CCDC3: variants seen among roughly 807,000 people sequenced by gnomAD.
CCDC3 encodes the protein coiled-coil domain-containing protein 3.
CCDC3 carries 24 observed loss-of-function variants against 21.4 expected under a neutral mutation model. The ratio of observed to expected loss-of-function variants is 1.12; its 90% CI spans 0.81 to 1.58. The LOEUF (loss-of-function observed/expected upper bound fraction) is 1.58. Among genes scored for constraint, CCDC3 ranks in the 40% most tolerant of loss-of-function variants. The pLI is 0.00. For missense variants in CCDC3, 425 were observed against 360.9 expected, an observed-to-expected ratio of 1.18 and a Z score of -1.44; for synonymous variants, 186 against 166.0, an observed-to-expected ratio of 1.12 and a Z score of -0.93.
At position 13,001,257 on chromosome 10, in the gene CCDC3, C is replaced by G. The variant is rs1216675019; in HGVS notation, c.314G>C (p.Gly105Ala). The G allele has an allele frequency of 1.9e-6, 3 of 1,593,944 alleles. No individual in the cohort carries two copies. The highest frequency in any genetic ancestry group is 2.6e-6 in the Non-Finnish European group (3 of 1,171,332). ...GGTGTGGGAGTGGCACGAGAAGTAG[C>G]CCAGGCCGGTGAGGTTGAGCCTGGA... ...AGSRLNLTGL[G>A]YFSCHSHTVV... The change falls in exon 1 of 3, where the codon GGC becomes GCC. Residue 105 changes from glycine to alanine, a missense_variant. Physicochemically the swap from Gly to Ala is moderately conservative, Grantham distance 60. Coordinates refer to ENST00000378825, the MANE Select transcript of CCDC3 (RefSeq NM_031455.4).
At chr10:12,963,208 C>G (rs933434104) in intron 2 of CCDC3, among the ~76,000 whole-genome samples, 2 of 152,190 alleles carry the variant, frequency 1.3e-5, no homozygotes, top group Non-Finnish European at 2.9e-5. Flanking sequence ...TTTACCTCCT[C>G]TCAAGATACA....
intron 3 of CCDC3, among the ~76,000 whole-genome samples, chr10:13,080,602 G>A (rs1471318597): frequency 6.6e-6 from 1 of 152,178 alleles, no homozygotes; most frequent in East Asian, 1.9e-4. Flanking sequence ...AATAAATATT[G>A]CTAAACCAAA....
chr10:12,913,999 G>T (rs897472566), intron 2 of CCDC3, among the ~76,000 whole-genome samples: 4 of 152,120 alleles, frequency 2.6e-5, no homozygotes, highest in African/African-American at 9.7e-5. Flanking sequence ...ATTTTCTTGA[G>T]AACTTTTGCA....
intron 5 of CCDC3, among the ~76,000 whole-genome samples, chr10:13,048,247 A>G (rs536610346): frequency 6.6e-6 from 1 of 152,176 alleles, no homozygotes; most frequent in East Asian, 1.9e-4. Context: ...ACTGGAGTGC[A>G]GTGGCGCGAT....
At chr10:13,055,641 A>G (rs1836672223) in intron 4 of CCDC3, among the ~76,000 whole-genome samples, 1 of 152,034 alleles carries the variant, frequency 6.6e-6, no homozygotes, top group Admixed American at 6.5e-5. Context: ...ACGTGTGTAC[A>G]GGGAGGTGAG....
chr10:12,924,604 A>G (rs1244898446), intron 2 of CCDC3: 1 of 152,182 alleles, frequency 6.6e-6, no homozygotes, highest in Non-Finnish European at 1.5e-5. Context: ...TCCACTGTCT[A>G]TGAATCTCTC....
chr10:12,956,903 C>T (rs567712912), intron 2 of CCDC3, among the ~76,000 whole-genome samples: 1 of 152,330 alleles, frequency 6.6e-6, no homozygotes, highest in East Asian at 1.9e-4. Flanking sequence ...ACAGAATTTA[C>T]CATTTGTTCT....
At chr10:13,060,463 G>A (rs1417869395) in intron 4 of CCDC3, among the ~76,000 whole-genome samples, 1 of 152,134 alleles carries the variant, frequency 6.6e-6, no homozygotes, top group Non-Finnish European at 1.5e-5. Flanking sequence ...GATATCAGGA[G>A]TAACAAGAGT....
intron 2 of CCDC3, among the ~76,000 whole-genome samples, chr10:12,915,462 G>A (rs1834337885): frequency 6.6e-6 from 1 of 152,162 alleles, no homozygotes; most frequent in Non-Finnish European, 1.5e-5. Flanking sequence ...TGAATTCTTT[G>A]TCAGGTAGCT....
intron 2 of CCDC3, among the ~76,000 whole-genome samples, chr10:12,958,056 A>G (rs1835120781): frequency 6.6e-6 from 1 of 152,068 alleles, no homozygotes; most frequent in Admixed American, 6.5e-5. Context: ...CCAACTCCTG[A>G]CCTCAGGTGA....
chr10:12,986,751 C>T (rs528939101), intron 2 of CCDC3, among the ~76,000 whole-genome samples: 36 of 147,546 alleles, frequency 2.4e-4, no homozygotes, highest in Middle Eastern at 3.8e-3. Context: ...CCAGCCTGGG[C>T]GGCAGAGCGA....
chr10:13,016,306 T>A (rs1226240495), intron 5 of CCDC3, among the ~76,000 whole-genome samples: 1 of 143,034 alleles, frequency 7.0e-6, no homozygotes, highest in African/African-American at 2.6e-5. Context: ...ATTTTCTTTT[T>A]CCCCTTTGCT....
At chr10:12,971,842 A>G (rs1707847295) in intron 2 of CCDC3, among the ~76,000 whole-genome samples, 1 of 152,128 alleles carries the variant, frequency 6.6e-6, no homozygotes, top group African/African-American at 2.4e-5. Context: ...GCCTGCCACC[A>G]TGCCCGGCTA....
upstream of CCDC3, among the ~76,000 whole-genome samples, chr10:13,005,444 T>C (rs1835915079): frequency 6.6e-6 from 1 of 152,200 alleles, no homozygotes; most frequent in Non-Finnish European, 1.5e-5. Flanking sequence ...TGCGCACACA[T>C]GGCCTTATGT....
At chr10:13,059,678 A>C (rs1836729858) in intron 4 of CCDC3, among the ~76,000 whole-genome samples, 1 of 152,158 alleles carries the variant, frequency 6.6e-6, no homozygotes, top group Non-Finnish European at 1.5e-5. Flanking sequence ...CTTCATGGCT[A>C]TGTGCTCTAA....
intron 5 of CCDC3, among the ~76,000 whole-genome samples, chr10:13,035,362 G>C (rs1745757625): frequency 6.6e-6 from 1 of 152,026 alleles, no homozygotes; most frequent in South Asian, 2.1e-4. Flanking sequence ...TTAGACATTA[G>C]AGACCAAAAA....
At chr10:12,957,353 G>A (rs1412062900) in intron 2 of CCDC3, among the ~76,000 whole-genome samples, 3 of 152,190 alleles carry the variant, frequency 2.0e-5, no homozygotes, top group Non-Finnish European at 2.9e-5. Context: ...AATACTGAAC[G>A]AAATCTATCT....
At chr10:13,098,710 A>ATTGTTTTTTTTTTTTT (rs1832666732) in intron 2 of CCDC3, 2 of 64,854 alleles carry the variant, frequency 3.1e-5, no homozygotes, top group African/African-American at 1.3e-4. Context: ...TCCTGCACTG[A>ATTGTTTTTTTTTTTTT]TTTTTTTTTT....
intron 4 of CCDC3, among the ~76,000 whole-genome samples, chr10:13,050,791 GTTTT>G (rs1412556740): frequency 6.6e-6 from 1 of 151,678 alleles, no homozygotes; most frequent in Non-Finnish European, 1.5e-5. Context: ...GTTTTAGTTT[GTTTT>G]TTATTTTAAT....
Sources: gnomAD v4.1 joint callset for allele counts (sites outside exome capture counted in the v4.1 genomes callset) on GRCh38, gnomAD v4.1.1 for gene constraint, MANE v1.5 for transcripts, NCBI Gene and HGNC (gene_info 2026-07-23, HGNC 2026-07-21) for gene names.